The following ADAMTSL3 variants were observed in gnomAD, a reference collection of about 807,000 sequenced individuals.
The protein encoded by ADAMTSL3 is ADAMTS like 3.
ADAMTSL3 carries 128 observed loss-of-function variants against 201.7 expected under a neutral mutation model. The ratio of observed to expected loss-of-function variants is 0.63; its 90% CI spans 0.55 to 0.73. The LOEUF (loss-of-function observed/expected upper bound fraction) is 0.73. ADAMTSL3 is among the 30% of genes least tolerant of loss of function. The probability of loss-of-function intolerance (pLI) is 0.00; values close to 1 mark genes in which losing one functional copy is unlikely to be tolerated. For synonymous variants in ADAMTSL3, 738 were observed against 748.4 expected, an observed-to-expected ratio of 0.99 and a Z score of 0.23; for missense variants, 1,990 against 2,119.6, an observed-to-expected ratio of 0.94 and a Z score of 1.20.
chr15:83,685,525 T>A (rs566654105), intron 2 of ADAMTSL3, among the ~76,000 whole-genome samples: 1 of 152,206 alleles, frequency 6.6e-6, no homozygotes, highest in Admixed American at 6.5e-5. Flanking sequence ...TTTAAAGAAA[T>A]CCCTTCTTAC....
At chr15:83,791,813 T>A (rs1438023264) in intron 4 of ADAMTSL3, among the ~76,000 whole-genome samples, 2 of 150,328 alleles carry the variant, frequency 1.3e-5, no homozygotes, top group Admixed American at 1.3e-4. Context: ...TGAGCTGAGA[T>A]GCGCCACTGC....
chr15:83,947,410 T>C (rs2066673864), intron 19 of ADAMTSL3, among the ~76,000 whole-genome samples: 1 of 152,218 alleles, frequency 6.6e-6, no homozygotes, highest in Non-Finnish European at 1.5e-5. Flanking sequence ...TTGCCTTGGT[T>C]CCTTAGATCT....
intron 19 of ADAMTSL3, among the ~76,000 whole-genome samples, chr15:83,956,681 A>G (rs1034011447): frequency 8.1e-5 from 9 of 111,432 alleles, no homozygotes; most frequent in Admixed American, 3.8e-4. Context: ...CCGCACAGGC[A>G]CACACACACA....
chr15:83,971,573 A>AG (rs2067196758), intron 20 of ADAMTSL3, among the ~76,000 whole-genome samples: 1 of 147,274 alleles, frequency 6.8e-6, no homozygotes. Flanking sequence ...AAAAAAAAAA[A>AG]AAAAGAAAGA....
chr15:83,825,295 A>C (rs1434898139), intron 6 of ADAMTSL3, among the ~76,000 whole-genome samples: 2 of 152,304 alleles, frequency 1.3e-5, no homozygotes, highest in Admixed American at 1.3e-4. Context: ...CATTGTTTTT[A>C]TAATTAAAAT....
chr15:83,789,905 G>A (rs9972340), intron 4 of ADAMTSL3, among the ~76,000 whole-genome samples: 42,257 of 151,798 alleles, frequency 0.28, 6,105 homozygotes, highest in South Asian at 0.55. Flanking sequence ...GCTTTCAAAA[G>A]TATCTGATTT....
intron 3 of ADAMTSL3, among the ~76,000 whole-genome samples, chr15:83,724,003 T>C (rs2062137141): frequency 6.6e-6 from 1 of 152,068 alleles, no homozygotes; most frequent in African/African-American, 2.4e-5. Context: ...CATCCAAGGC[T>C]CAATACTTGT....
intron 3 of ADAMTSL3, among the ~76,000 whole-genome samples, chr15:83,755,327 ATTG>A (rs2062702966): frequency 6.6e-6 from 1 of 152,150 alleles, no homozygotes; most frequent in Non-Finnish European, 1.5e-5. Context: ...GTACATTCAC[ATTG>A]TTGTGCAACC....
intron 15 of ADAMTSL3, among the ~76,000 whole-genome samples, chr15:83,907,023 G>A (rs901184071): frequency 4.7e-5 from 7 of 148,796 alleles, no homozygotes; most frequent in Non-Finnish European, 7.4e-5. Context: ...GAGCCCCAGA[G>A]TTCAAGGCTG....
intron 23 of ADAMTSL3, among the ~76,000 whole-genome samples, chr15:83,992,890 G>A (rs1255564818): frequency 6.6e-6 from 1 of 152,192 alleles, no homozygotes; most frequent in Non-Finnish European, 1.5e-5. Context: ...CTGCTGCCTA[G>A]ATGGAGCTCA....
In ADAMTSL3 at chr15:83,879,194, C is replaced by T. The variant is rs76120064; in HGVS notation, c.961-5907C>T. Among the ~76,000 whole-genome samples, 1,022 of 152,126 alleles carry T rather than the reference C, an allele frequency of 6.7e-3. 7 individuals are homozygous for T. Among genetic ancestry groups the T allele is most frequent in the African/African-American group, 0.023 (944 of 41,506 alleles). On this transcript the variant is annotated intron_variant, in intron 9 of 29. Coordinates refer to ENST00000286744, the MANE Select transcript of ADAMTSL3 (RefSeq NM_207517.3). ...GGGTTATCAATTTTATTAGACATTT[C>T]GCAGAAACAACTTTTGGGTTCATGA...
intron 2 of ADAMTSL3, among the ~76,000 whole-genome samples, chr15:83,691,063 G>T (rs1278146648): frequency 6.6e-6 from 1 of 152,028 alleles, no homozygotes; most frequent in Non-Finnish European, 1.5e-5. Flanking sequence ...TCTATCTGAG[G>T]GCTCTTTGAG....
At chr15:84,019,406 A>G (rs2068153699) in intron 25 of ADAMTSL3, among the ~76,000 whole-genome samples, 1 of 150,050 alleles carries the variant, frequency 6.7e-6, no homozygotes. Flanking sequence ...TATTTACCCG[A>G]AAAAAAAAAT....
intron 10 of ADAMTSL3, among the ~76,000 whole-genome samples, chr15:83,887,000 A>G (rs11637095): frequency 0.14 from 21,096 of 152,214 alleles, 1,898 homozygotes; most frequent in Middle Eastern, 0.33. Flanking sequence ...GGTTGAGGCA[A>G]TGGACCACTT....
chr15:83,720,169 A>C (rs2062078777), intron 3 of ADAMTSL3, among the ~76,000 whole-genome samples: 1 of 152,198 alleles, frequency 6.6e-6, no homozygotes, highest in Non-Finnish European at 1.5e-5. Context: ...CAGTGAGCAG[A>C]AATCATACCA....
At chr15:83,733,180 A>T (rs2062310462) in intron 3 of ADAMTSL3, among the ~76,000 whole-genome samples, 1 of 152,174 alleles carries the variant, frequency 6.6e-6, no homozygotes, top group South Asian at 2.1e-4. Context: ...GAACTGAATC[A>T]TCCATTCAAT....
chr15:83,789,892 C>A (rs1174977024), intron 4 of ADAMTSL3, among the ~76,000 whole-genome samples: 5 of 152,036 alleles, frequency 3.3e-5, no homozygotes, highest in Non-Finnish European at 7.4e-5. Flanking sequence ...CCAACTTTAT[C>A]CTGCTTTCAA....
chr15:83,890,506 C>G (rs1038567934), intron 11 of ADAMTSL3, among the ~76,000 whole-genome samples: 3 of 152,182 alleles, frequency 2.0e-5, no homozygotes, highest in Admixed American at 1.3e-4. Context: ...AGCTCCTGCT[C>G]TCTTCATCCA....
intron 19 of ADAMTSL3, among the ~76,000 whole-genome samples, chr15:83,949,288 A>G (rs1242078144): frequency 6.6e-6 from 1 of 152,158 alleles, no homozygotes; most frequent in East Asian, 1.9e-4. Context: ...GGCTTATTTA[A>G]CTTAACATAA....
Sources: allele counts gnomAD v4.1 joint callset (sites outside exome capture counted in the v4.1 genomes callset), GRCh38; gene constraint gnomAD v4.1.1; transcripts MANE v1.5; gene names NCBI Gene and HGNC (gene_info 2026-07-23, HGNC 2026-07-21).